The following SLC24A2 variants were observed in gnomAD, a reference collection of about 807,000 sequenced individuals.
SLC24A2 encodes sodium/potassium/calcium exchanger 2.
In SLC24A2, 36 loss-of-function variants were observed where a neutral mutation model predicts 62.0. The ratio of observed to expected loss-of-function variants is 0.58; its 90% CI spans 0.44 to 0.77. The LOEUF (loss-of-function observed/expected upper bound fraction) is 0.77. SLC24A2 is among the 30% of genes least tolerant of loss of function. The pLI, the probability that SLC24A2 is intolerant of heterozygous loss-of-function variation, is 0.00. For synonymous variants in SLC24A2, 358 were observed against 294.0 expected (o/e 1.22, Z -2.23); for missense variants, 846 against 817.9 (o/e 1.03, Z -0.42).
chr9:20,267,443 C>A, the SLC24A2 span, among the ~76,000 whole-genome samples: 1 of 152,090 alleles, frequency 6.6e-6, no homozygotes, highest in East Asian at 1.9e-4. Flanking sequence ...TGGCCAGGAC[C>A]CCCGAGTGCC....
the SLC24A2 span, among the ~76,000 whole-genome samples, chr9:20,104,951 C>A: frequency 1.3e-5 from 2 of 152,088 alleles, no homozygotes; most frequent in African/African-American, 2.4e-5. Context: ...TTCAGGAAAC[C>A]CATCTCATGT....
chr9:19,723,753 G>A (rs1270193402), intron 2 of SLC24A2, among the ~76,000 whole-genome samples: 1 of 151,436 alleles, frequency 6.6e-6, no homozygotes, highest in Non-Finnish European at 1.5e-5. Context: ...AGAAGTCCAG[G>A]GCCAGAAGCA....
chr9:19,776,040 A>C (rs909230446), intron 2 of SLC24A2, among the ~76,000 whole-genome samples: 1 of 152,256 alleles, frequency 6.6e-6, no homozygotes, highest in Admixed American at 6.5e-5. Flanking sequence ...CCTTATGCTT[A>C]GATTTTATCT....
chr9:20,029,888 CA>C, the SLC24A2 span, among the ~76,000 whole-genome samples: 1 of 151,910 alleles, frequency 6.6e-6, no homozygotes. Context: ...GTGAAACAAG[CA>C]GTTATATTAT....
chr9:20,205,913 T>G, the SLC24A2 span, among the ~76,000 whole-genome samples: 1 of 152,088 alleles, frequency 6.6e-6, no homozygotes, highest in African/African-American at 2.4e-5. Context: ...TATTAATGAA[T>G]TATCTGATTT....
chr9:20,160,855 GA>G, the SLC24A2 span, among the ~76,000 whole-genome samples: 18,060 of 144,464 alleles, frequency 0.13, 1,371 homozygotes, highest in Middle Eastern at 0.27. Flanking sequence ...GCCTAAAACA[GA>G]AAAAAAAAGC....
chr9:19,689,159 G>A (rs1819970346), intron 2 of SLC24A2, among the ~76,000 whole-genome samples: 1 of 152,132 alleles, frequency 6.6e-6, no homozygotes, highest in African/African-American at 2.4e-5. Flanking sequence ...AACTGAGGCT[G>A]AGTGAAGTGA....
At chr9:19,651,871 A>G (rs1344030375) in intron 2 of SLC24A2, among the ~76,000 whole-genome samples, 2 of 152,200 alleles carry the variant, frequency 1.3e-5, no homozygotes, top group East Asian at 1.9e-4. Flanking sequence ...AGGCTTCAGC[A>G]GCTGCGCTCT....
the SLC24A2 span, among the ~76,000 whole-genome samples, chr9:19,794,732 G>C: frequency 6.6e-6 from 1 of 152,034 alleles, no homozygotes; most frequent in Non-Finnish European, 1.5e-5. Context: ...GAGTCCCCCA[G>C]GGTGCTTCCT....
At chr9:20,009,057 C>T in the SLC24A2 span, among the ~76,000 whole-genome samples, 1 of 152,140 alleles carries the variant, frequency 6.6e-6, no homozygotes, top group Admixed American at 6.6e-5. Flanking sequence ...CATACTCCTC[C>T]TTCCTTAAGC....
chr9:20,024,175 T>C, the SLC24A2 span, among the ~76,000 whole-genome samples: 1 of 152,182 alleles, frequency 6.6e-6, no homozygotes, highest in Non-Finnish European at 1.5e-5. Flanking sequence ...AAAGCCTAGT[T>C]GGAGGACTAC....
At chr9:19,815,190 A>G in the SLC24A2 span, among the ~76,000 whole-genome samples, 9 of 152,296 alleles carry the variant, frequency 5.9e-5, no homozygotes, top group African/African-American at 2.2e-4. Context: ...TTGGTACCCA[A>G]TTCAATTTTA....
At chr9:20,215,126 G>T in the SLC24A2 span, among the ~76,000 whole-genome samples, 3 of 152,194 alleles carry the variant, frequency 2.0e-5, no homozygotes, top group Non-Finnish European at 4.4e-5. Flanking sequence ...TGTCTGGTGA[G>T]AGTCAGTTGC....
the SLC24A2 span, among the ~76,000 whole-genome samples, chr9:19,989,841 T>A: frequency 6.6e-6 from 1 of 152,202 alleles, no homozygotes; most frequent in Non-Finnish European, 1.5e-5. Context: ...AGCTGCATAA[T>A]GGTCTCTTGG....
chr9:20,126,647 C>CA, the SLC24A2 span, among the ~76,000 whole-genome samples: 1 of 152,062 alleles, frequency 6.6e-6, no homozygotes, highest in Non-Finnish European at 1.5e-5. Flanking sequence ...CTTTAAGGAT[C>CA]AAAAGTTTTC....
intron 2 of SLC24A2, among the ~76,000 whole-genome samples, chr9:19,752,121 G>C (rs1214441137): frequency 6.6e-6 from 1 of 152,166 alleles, no homozygotes; most frequent in Non-Finnish European, 1.5e-5. Context: ...GTTTGCTTAT[G>C]TGTCATCAGC....
chr9:20,056,864 C>T, the SLC24A2 span, among the ~76,000 whole-genome samples: 1 of 152,316 alleles, frequency 6.6e-6, no homozygotes, highest in African/African-American at 2.4e-5. Context: ...GAACAAACTC[C>T]TTTCACAAAA....
At position 19,511,414 on chromosome 9, in the gene SLC24A2, T is replaced by G. The variant is rs1430405665; in HGVS notation, c.*4739A>C. The stretch of plus-strand genomic sequence containing the variant: ...AAAAAATCTAAAACTGTATATGGGC[T>G]CTTGTAATTGGCTAAACATAGCCTG... On this transcript the variant is annotated 3_prime_UTR_variant, in exon 11 of 11. Coordinates refer to ENST00000341998, the MANE Select transcript of SLC24A2 (RefSeq NM_020344.4). 3.3e-5 allele frequency: 5 copies of G among 152,188 alleles called. No homozygotes were observed. The highest frequency in any genetic ancestry group is 1.2e-4 in the African/African-American group (5 of 41,446). The allele number at this position is 152,188 out of a possible 1,614,324, so 9.4% of individuals were successfully genotyped here. A position where few individuals can be genotyped will look rare whatever the true frequency, so the allele number is the denominator to read the frequency against.
the SLC24A2 span, among the ~76,000 whole-genome samples, chr9:19,803,495 G>A: frequency 6.6e-6 from 1 of 152,156 alleles, no homozygotes; most frequent in African/African-American, 2.4e-5. Flanking sequence ...CCAGTGTAAC[G>A]TTAGGGAGAA....
Sources: allele counts gnomAD v4.1 joint callset (sites outside exome capture counted in the v4.1 genomes callset), GRCh38; gene constraint gnomAD v4.1.1; transcripts MANE v1.5; gene names NCBI Gene and HGNC (gene_info 2026-07-23, HGNC 2026-07-21).